PHF14: variants seen among roughly 807,000 people sequenced by gnomAD.
PHF14 encodes the protein PHD finger protein 14.
A neutral mutation model predicts 117.9 loss-of-function variants in PHF14; 55 were observed. The observed-to-expected ratio is 0.47, with a 90% CI of 0.38 to 0.58. The LOEUF (loss-of-function observed/expected upper bound fraction) is 0.58. Among genes scored for constraint, PHF14 ranks in the 20% least tolerant of loss-of-function variants. The probability of loss-of-function intolerance (pLI) is 0.00; values close to 1 mark genes in which losing one functional copy is unlikely to be tolerated. For synonymous variants in PHF14, 409 were observed against 368.6 expected, an observed-to-expected ratio of 1.11 and a Z score of -1.26; for missense variants, 978 against 1,122.2, an observed-to-expected ratio of 0.87 and a Z score of 1.84.
At chr7:11,139,681 G>T (rs898663738) in intron 17 of PHF14, among the ~76,000 whole-genome samples, 3 of 152,154 alleles carry the variant, frequency 2.0e-5, no homozygotes, top group Non-Finnish European at 4.4e-5. Flanking sequence ...AGTGTGTATT[G>T]TGTGTCAGTC....
intron 7 of PHF14, among the ~76,000 whole-genome samples, chr7:11,034,625 T>G (rs1562431599): frequency 2.2e-5 from 3 of 139,446 alleles, no homozygotes; most frequent in African/African-American, 7.9e-5. Flanking sequence ...CTCGGTTAAT[T>G]ACAACATCTC....
intron 17 of PHF14, among the ~76,000 whole-genome samples, chr7:11,159,777 G>A (rs1035559632): frequency 5.9e-5 from 9 of 152,150 alleles, no homozygotes; most frequent in Non-Finnish European, 1.3e-4. Context: ...ATTTTTGAAA[G>A]TACAGAAAAT....
chr7:11,003,914 A>G (rs942413649), intron 4 of PHF14, among the ~76,000 whole-genome samples: 1 of 152,166 alleles, frequency 6.6e-6, no homozygotes, highest in Non-Finnish European at 1.5e-5. Context: ...TTATGTAGAT[A>G]TATGTCCTCT....
chr7:11,142,698 A>G (rs1201579757), intron 17 of PHF14, among the ~76,000 whole-genome samples: 1 of 152,100 alleles, frequency 6.6e-6, no homozygotes, highest in Non-Finnish European at 1.5e-5. Flanking sequence ...AAAAATGATG[A>G]TAAGATTTTG....
rs1219763852 is a variant in PHF14 at position 11,015,706 on chromosome 7, T to G, written c.1205+1800T>G. The stretch of plus-strand genomic sequence containing the variant: ...GCAGTTTCTGTAACATAATAAGTGG[T>G]CAGTAAATGTCTCCTTACTCTTACT... On this transcript the variant is annotated intron_variant, in intron 5 of 17. Coordinates refer to ENST00000634607, the MANE Select transcript of PHF14 (RefSeq NM_001007157.2). Among the ~76,000 whole-genome samples the G allele has an allele frequency of 4.6e-5, 7 of 152,202 alleles. No individual in the cohort carries two copies. The East Asian group carries it at 9.7e-4, about 21-fold the overall frequency.
At chr7:11,107,518 A>G (rs1787311485) in intron 16 of PHF14, 6 of 878,872 alleles carry the variant, frequency 6.8e-6, no homozygotes, top group Non-Finnish European at 6.8e-6. Context: ...TTTATGCTCT[A>G]TAGTGTTAAT....
intron 14 of PHF14, among the ~76,000 whole-genome samples, chr7:11,059,115 C>G (rs1477930686): frequency 1.3e-5 from 2 of 151,988 alleles, no homozygotes; most frequent in Non-Finnish European, 2.9e-5. Context: ...TGGAGCTATA[C>G]CATTGTGTGA....
intron 17 of PHF14, among the ~76,000 whole-genome samples, chr7:11,140,441 G>A (rs1168256701): frequency 2.6e-5 from 4 of 151,986 alleles, no homozygotes; most frequent in Non-Finnish European, 5.9e-5. Context: ...TGTTTGCTAG[G>A]TATCTAGATA....
At chr7:11,024,564 TC>T (rs1365605321) in intron 6 of PHF14, among the ~76,000 whole-genome samples, 15 of 152,268 alleles carry the variant, frequency 9.9e-5, no homozygotes, top group African/African-American at 3.6e-4. Context: ...AAGCCAGTGC[TC>T]CTATACTATT....
intron 17 of PHF14, among the ~76,000 whole-genome samples, chr7:11,128,623 T>C (rs1772614865): frequency 6.6e-6 from 1 of 151,950 alleles, no homozygotes; most frequent in Admixed American, 6.6e-5. Context: ...ATCAGGGTTT[T>C]ATCCCTGACA....
intron 16 of PHF14, chr7:11,106,095 C>G (rs887329052): frequency 1.4e-5 from 14 of 983,986 alleles, no homozygotes; most frequent in Non-Finnish European, 1.7e-5. Flanking sequence ...GTTGCTTGAC[C>G]TTATTGTGTA....
intron 17 of PHF14, among the ~76,000 whole-genome samples, chr7:11,158,925 A>G (rs75088490): frequency 0.052 from 7,877 of 152,182 alleles, 251 homozygotes; most frequent in Non-Finnish European, 0.08. Context: ...CTGAAAATCT[A>G]TTATCTAGAT....
intron 17 of PHF14, among the ~76,000 whole-genome samples, chr7:11,112,303 C>G (rs1192164647): frequency 1.3e-5 from 2 of 151,926 alleles, no homozygotes; most frequent in African/African-American, 4.8e-5. Flanking sequence ...TTTTTTGGTC[C>G]TAGAGTGAAT....
chr7:11,089,154 A>G (rs539839636), intron 16 of PHF14, among the ~76,000 whole-genome samples: 62 of 152,144 alleles, frequency 4.1e-4, no homozygotes, highest in Admixed American at 7.9e-4. Context: ...CCTAAGACAA[A>G]CCTTTTATCA....
chr7:11,036,391 T>C, intron 8 of PHF14, 27 bp from the exon 9 acceptor site: 2 of 1,535,380 alleles, frequency 1.3e-6, no homozygotes, highest in Non-Finnish European at 1.8e-6. Context: ...TATTATCTTT[T>C]AAAATTTGAA....
chr7:11,138,207 A>C (rs1362562150), intron 17 of PHF14, among the ~76,000 whole-genome samples: 2 of 151,774 alleles, frequency 1.3e-5, no homozygotes, highest in Admixed American at 1.3e-4. Flanking sequence ...CACCTGGCTA[A>C]TTTTTTGTAT....
At chr7:11,005,787 C>CTTTTTTTTT (rs951270672) in intron 4 of PHF14, among the ~76,000 whole-genome samples, 11 of 84,444 alleles carry the variant, frequency 1.3e-4, no homozygotes, top group East Asian at 3.9e-4. Context: ...AGTAAAAATT[C>CTTTTTTTTT]TTTTTTTTTT....
chr7:11,002,368 G>A (rs576049658), intron 4 of PHF14, among the ~76,000 whole-genome samples: 2 of 152,190 alleles, frequency 1.3e-5, no homozygotes, highest in African/African-American at 4.8e-5. Context: ...GTAGAATGAA[G>A]TATGGTTCCT....
chr7:11,106,515 C>A (rs1020596842), intron 16 of PHF14: 1 of 954,682 alleles, frequency 1.0e-6, no homozygotes. Context: ...AATGTTATTC[C>A]GTATTGGTAG....
Sources: gnomAD v4.1 joint callset for allele counts (sites outside exome capture counted in the v4.1 genomes callset) on GRCh38, gnomAD v4.1.1 for gene constraint, MANE v1.5 for transcripts, NCBI Gene and HGNC (gene_info 2026-07-23, HGNC 2026-07-21) for gene names.